PRKN: variants seen among roughly 807,000 people sequenced by gnomAD.
PRKN encodes E3 ubiquitin-protein ligase parkin.
A neutral mutation model predicts 59.5 loss-of-function variants in PRKN; 56 were observed. The ratio of observed to expected loss-of-function variants is 0.94; its 90% confidence interval spans 0.76 to 1.18. PRKN has a LOEUF of 1.18. Ranked by LOEUF, PRKN falls within the 50% of genes most tolerant of loss-of-function variation. The probability of loss-of-function intolerance (pLI) is 0.00; values close to 1 mark genes in which losing one functional copy is unlikely to be tolerated. For missense variants in PRKN, 657 were observed against 596.4 expected, an observed-to-expected ratio of 1.10 and a Z score of -1.06; for synonymous variants, 250 against 222.1, an observed-to-expected ratio of 1.13 and a Z score of -1.12.
At chr6:162,339,855 C>T (rs1201826115) in intron 2 of PRKN, among the ~76,000 whole-genome samples, 1 of 149,116 alleles carries the variant, frequency 6.7e-6, no homozygotes. Context: ...CCTGTGCTCT[C>T]TGAAACATGT....
chr6:162,055,803 C>G (rs911462209), intron 4 of PRKN, among the ~76,000 whole-genome samples: 34 of 152,226 alleles, frequency 2.2e-4, no homozygotes, highest in African/African-American at 7.5e-4. Context: ...CTTCAGGAAC[C>G]AGTGTAGAGC....
At chr6:162,096,757 T>A (rs1479556700) in intron 4 of PRKN, among the ~76,000 whole-genome samples, 1 of 146,752 alleles carries the variant, frequency 6.8e-6, no homozygotes. Context: ...CATGCAGAAC[T>A]ATGAGTCCAT....
chr6:161,989,026 T>G (rs1004241383), intron 5 of PRKN, among the ~76,000 whole-genome samples: 10 of 152,210 alleles, frequency 6.6e-5, no homozygotes, highest in Non-Finnish European at 2.9e-5. Flanking sequence ...GCCATGTTGG[T>G]GTGCTGCACC....
intron 2 of PRKN, among the ~76,000 whole-genome samples, chr6:162,369,434 G>T (rs1431075195): frequency 6.6e-6 from 1 of 152,048 alleles, no homozygotes; most frequent in Non-Finnish European, 1.5e-5. Context: ...TGAACATCAG[G>T]TGTGACTCTT....
At chr6:162,177,111 C>G (rs1224696516) in intron 4 of PRKN, among the ~76,000 whole-genome samples, 1 of 151,998 alleles carries the variant, frequency 6.6e-6, no homozygotes, top group East Asian at 1.9e-4. Context: ...TAGTCACACA[C>G]ACACATGCAC....
chr6:161,892,023 G>C (rs1469765469), intron 6 of PRKN, among the ~76,000 whole-genome samples: 1 of 152,186 alleles, frequency 6.6e-6, no homozygotes, highest in Non-Finnish European at 1.5e-5. Context: ...GACTCTCTGG[G>C]TGACCTCTTA....
At chr6:162,109,791 T>G (rs895641471) in intron 4 of PRKN, among the ~76,000 whole-genome samples, 4 of 152,228 alleles carry the variant, frequency 2.6e-5, no homozygotes, top group African/African-American at 9.6e-5. Flanking sequence ...TTTATTTCAT[T>G]TACCGCCTTC....
At chr6:162,086,300 TTA>T (rs1195727617) in intron 4 of PRKN, among the ~76,000 whole-genome samples, 2 of 152,122 alleles carry the variant, frequency 1.3e-5, no homozygotes, top group Admixed American at 1.3e-4. Context: ...AGTGGACTCT[TTA>T]TGTTATCAGA....
At position 162,567,222 on chromosome 6, in the gene PRKN, C is replaced by T. The variant is rs560684538; in HGVS notation, c.8-123749G>A. On this transcript the variant is annotated intron_variant, in intron 1 of 11. Coordinates refer to ENST00000366898, the MANE Select transcript of PRKN (RefSeq NM_004562.3). The stretch of plus-strand genomic sequence containing the variant: ...TAAGATCGGGAACATGACAAGGATG[C>T]CTGATGTCACCACTGTTATTCAACA... Among the ~76,000 whole-genome samples the T allele has an allele frequency of 4.5e-4, 68 of 152,180 alleles. 2 individuals are homozygous for T. The Middle Eastern group carries it at 0.041, about 91-fold the overall frequency.
chr6:162,111,450 G>A (rs1322066342), intron 4 of PRKN, among the ~76,000 whole-genome samples: 1 of 148,916 alleles, frequency 6.7e-6, no homozygotes, highest in African/African-American at 2.6e-5. Flanking sequence ...GGGCAACAGA[G>A]TGAGACTCTG....
Position 161,442,625 on chromosome 6 carries a change from C to T in PRKN, c.1084-55748G>A, listed in dbSNP as rs768096172. Among the ~76,000 whole-genome samples, 1 of 152,174 alleles carries T rather than the reference C, an allele frequency of 6.6e-6. No individual in the cohort carries two copies. The highest frequency in any genetic ancestry group is 1.5e-5 in the Non-Finnish European group (1 of 68,034). ...GGCGACCTGGACCAAGGGTGGCCTT[C>T]GCTGTCTTGGACTGGACGGGCTGGA... On this transcript the variant is annotated intron_variant, in intron 9 of 11. Transcript: ENST00000366898. The surrounding 1 kb of genome is among the most constrained non-coding windows in gnomAD (Gnocchi z 4.6).
intron 7 of PRKN, among the ~76,000 whole-genome samples, chr6:161,778,126 C>G (rs968905890): frequency 6.6e-6 from 1 of 151,792 alleles, no homozygotes; most frequent in African/African-American, 2.4e-5. Flanking sequence ...CACAGAAGAT[C>G]CTGGAACAGT....
chr6:162,288,399 A>G (rs1239530682), intron 2 of PRKN, among the ~76,000 whole-genome samples: 2 of 152,000 alleles, frequency 1.3e-5, no homozygotes, highest in African/African-American at 4.8e-5. Flanking sequence ...GGCCAAGGAG[A>G]GGGGGGTTTT....
intron 3 of PRKN, among the ~76,000 whole-genome samples, chr6:162,210,725 T>C (rs569613645): frequency 3.3e-5 from 5 of 152,160 alleles, no homozygotes; most frequent in Admixed American, 3.3e-4. Flanking sequence ...TATTATGAGG[T>C]AAGAGATACA....
At chr6:162,363,077 A>C (rs111676719) in intron 2 of PRKN, among the ~76,000 whole-genome samples, 2,604 of 149,322 alleles carry the variant, frequency 0.017, 84 homozygotes, top group African/African-American at 0.057. Flanking sequence ...GCAGTGAGCC[A>C]AGATCACACC....
At chr6:162,472,468 T>TATATATATATATATATATATA (rs1385821060) in intron 1 of PRKN, among the ~76,000 whole-genome samples, 88 of 104,278 alleles carry the variant, frequency 8.4e-4, no homozygotes, top group Middle Eastern at 4.9e-3. Flanking sequence ...TTTTATTTTA[T>TATATATATATATATATATATA]TTTATTTTAT....
intron 9 of PRKN, among the ~76,000 whole-genome samples, chr6:161,490,408 A>T (rs1715344721): frequency 8.4e-6 from 1 of 119,154 alleles, no homozygotes; most frequent in Non-Finnish European, 1.7e-5. Context: ...TTTTTGAGAC[A>T]GAGTCTCACT....
intron 3 of PRKN, among the ~76,000 whole-genome samples, chr6:162,235,902 AAAGGAAGGAAGG>A (rs777894905): frequency 0.034 from 2,509 of 73,188 alleles, 166 homozygotes; most frequent in East Asian, 0.15. Context: ...AGAAAGAAGG[AAAGGAAGGAAGG>A]AAGGAAGGAA....
At chr6:162,223,612 G>GACACACACACACACACACAC (rs34881644) in intron 3 of PRKN, among the ~76,000 whole-genome samples, 1 of 129,248 alleles carries the variant, frequency 7.7e-6, no homozygotes, top group African/African-American at 3.2e-5. Context: ...ATAGACACGT[G>GACACACACACACACACACAC]ACACACACAC....
Sources: gnomAD v4.1 joint callset for allele counts (sites outside exome capture counted in the v4.1 genomes callset) on GRCh38, gnomAD v4.1.1 for gene constraint, Gnocchi (gnomAD v3.1) non-coding constraint, MANE v1.5 for transcripts, NCBI Gene and HGNC (gene_info 2026-07-23, HGNC 2026-07-21) for gene names.